Variants in RPH3AL observed in about 807,000 individuals in gnomAD.
RPH3AL encodes the protein rabphilin 3A like (without C2 domains), also known as rab effector Noc2.
In RPH3AL, 38 loss-of-function variants were observed where a neutral mutation model predicts 43.1. That is an observed-to-expected ratio of 0.88 (90% CI 0.68 to 1.15). The LOEUF is 1.15. Among genes scored for constraint, RPH3AL ranks in the 50% most tolerant of loss-of-function variants. The pLI is 0.00. For missense variants in RPH3AL, 462 were observed against 423.2 expected, an observed-to-expected ratio of 1.09 and a Z score of -0.81; for synonymous variants, 189 against 176.3, an observed-to-expected ratio of 1.07 and a Z score of -0.57.
At chr17:337,176 C>T (rs1244941920) in intron 1 of RPH3AL, among the ~76,000 whole-genome samples, 2 of 151,990 alleles carry the variant, frequency 1.3e-5, no homozygotes, top group African/African-American at 4.8e-5. Context: ...AGTGCAGTGG[C>T]ACAGTCACAG....
intron 5 of RPH3AL, among the ~76,000 whole-genome samples, chr17:302,005 C>T (rs920572253): frequency 9.9e-5 from 15 of 152,228 alleles, no homozygotes; most frequent in Admixed American, 2.6e-4. Flanking sequence ...GACTTCCTCC[C>T]GCTCAGAGGG....
At chr17:230,905 C>T (rs1190123125) in intron 7 of RPH3AL, among the ~76,000 whole-genome samples, 2 of 152,114 alleles carry the variant, frequency 1.3e-5, no homozygotes, top group Non-Finnish European at 2.9e-5. Flanking sequence ...AGGTTGGTCT[C>T]GAACTCCTGG....
At chr17:217,246 G>A (rs77756639) in intron 8 of RPH3AL, among the ~76,000 whole-genome samples, 7 of 116,944 alleles carry the variant, frequency 6.0e-5, no homozygotes, top group East Asian at 5.5e-4. Context: ...CAGTTATTAT[G>A]GAGCCCTTTC....
chr17:258,717 G>A (rs538114204), intron 6 of RPH3AL, among the ~76,000 whole-genome samples: 3 of 151,072 alleles, frequency 2.0e-5, no homozygotes, highest in African/African-American at 7.3e-5. Context: ...CATCAGGTTG[G>A]ATTGCCATTG....
rs184522341 is a variant in RPH3AL, at chr17:216,606, G to C, written c.728-804C>G. 2.0e-5 allele frequency among the ~76,000 whole-genome samples: 3 copies of C among 152,130 alleles called. No individual in the cohort carries two copies. In the East Asian group the frequency reaches 5.8e-4, roughly 30 times the overall value. ...GGGACAAGAGCCCATGGTGGGAGGA[G>C]GAGGGGAGTATAAAGCCTGCCCTGG... is the stretch of plus-strand genomic sequence containing the variant. On this transcript the variant is annotated intron_variant, in intron 8 of 9. Transcript: ENST00000331302.
chr17:334,341 G>C (rs116783131), intron 1 of RPH3AL, among the ~76,000 whole-genome samples: 1 of 152,228 alleles, frequency 6.6e-6, no homozygotes, highest in Non-Finnish European at 1.5e-5. Context: ...AAACATATCC[G>C]GAGGCAAAAC....
At chr17:228,969 C>CA (rs944867208) in intron 7 of RPH3AL, among the ~76,000 whole-genome samples, 4 of 152,218 alleles carry the variant, frequency 2.6e-5, no homozygotes, top group African/African-American at 9.6e-5. Context: ...TTTTCAACCT[C>CA]AGTCTTCCCA....
rs138246286 is a variant in RPH3AL at position 277,785 on chromosome 17, G to A, written c.438+3983C>T. On this transcript the variant is annotated intron_variant, in intron 6 of 9. Transcript: ENST00000331302. The stretch of plus-strand genomic sequence containing the variant: ...AGCCTGGGCAACATGGCAAAACCCC[G>A]TCTCTACAAAAATGCAAAAAATTAG... Among the ~76,000 whole-genome samples the A allele has an allele frequency of 4.5e-3, 684 of 152,008 alleles. 6 individuals are homozygous for A. The highest frequency in any genetic ancestry group is 0.016 in the African/African-American group (650 of 41,444).
At chr17:297,883 C>T (rs977748161) in intron 5 of RPH3AL, among the ~76,000 whole-genome samples, 3 of 152,162 alleles carry the variant, frequency 2.0e-5, no homozygotes, top group African/African-American at 7.2e-5. Context: ...GACTAGCCAG[C>T]GGACAGGGAG....
chr17:238,260 GAA>G (rs1380325989), intron 7 of RPH3AL, among the ~76,000 whole-genome samples: 2 of 151,142 alleles, frequency 1.3e-5, no homozygotes, highest in South Asian at 2.1e-4. Context: ...AAGAGAGAGA[GAA>G]AGAGAAAAAG....
At chr17:307,699 C>A (rs1436162135) in intron 5 of RPH3AL, among the ~76,000 whole-genome samples, 1 of 152,224 alleles carries the variant, frequency 6.6e-6, no homozygotes, top group African/African-American at 2.4e-5. Flanking sequence ...CACCCTGGGT[C>A]TCTGCAGCCG....
At chr17:347,400 G>A (rs2045258676) in intron 1 of RPH3AL, among the ~76,000 whole-genome samples, 1 of 152,224 alleles carries the variant, frequency 6.6e-6, no homozygotes, top group South Asian at 2.1e-4. Context: ...GGGTAGCACA[G>A]TGGGACTTTG....
chr17:315,142 C>G (rs1326758238), intron 5 of RPH3AL, among the ~76,000 whole-genome samples: 7 of 137,394 alleles, frequency 5.1e-5, no homozygotes, highest in East Asian at 2.1e-4. Context: ...TGCTCCACCT[C>G]CATTGACCTG....
chr17:258,440 T>C (rs1163016864), intron 6 of RPH3AL, among the ~76,000 whole-genome samples: 1 of 152,192 alleles, frequency 6.6e-6, no homozygotes, highest in Non-Finnish European at 1.5e-5. Flanking sequence ...CAAACGGACT[T>C]CCTATTTCAG....
At chr17:235,923 C>T (rs113007874) in intron 7 of RPH3AL, among the ~76,000 whole-genome samples, 906 of 70,490 alleles carry the variant, frequency 0.013, 35 homozygotes, top group African/African-American at 0.034. Context: ...TGGGGTCGGC[C>T]GAGGCTCCGC....
chr17:327,104 C>G lies in RPH3AL; in HGVS notation c.77+363G>C, dbSNP rs927047066. On this transcript the variant is annotated intron_variant, in intron 3 of 9. Coordinates refer to ENST00000331302, the MANE Select transcript of RPH3AL (RefSeq NM_006987.4). ...TTAAGGGACTTGCAGTCCTACAGCT[C>G]AGTGACAGGAGAGAAGGCACACGAG... Among the ~76,000 whole-genome samples, 2 of 152,320 alleles carry G rather than the reference C, an allele frequency of 1.3e-5. 1 individual carries two copies. Among genetic ancestry groups the G allele is most frequent in the Non-Finnish European group, 2.9e-5 (2 of 68,034 alleles).
chr17:284,877 T>C (rs2151611388), intron 5 of RPH3AL, among the ~76,000 whole-genome samples: 1 of 152,274 alleles, frequency 6.6e-6, no homozygotes, highest in South Asian at 2.1e-4. Flanking sequence ...GGGAGGGCTC[T>C]TCCTGGCGTA....
chr17:242,230 T>C (rs1226273786), intron 7 of RPH3AL, among the ~76,000 whole-genome samples: 2 of 152,130 alleles, frequency 1.3e-5, no homozygotes, highest in Non-Finnish European at 2.9e-5. Flanking sequence ...AGTTCATGAC[T>C]TGTAGTATCT....
chr17:247,141 T>C lies in RPH3AL; in HGVS notation c.583A>G (p.Ser195Gly), dbSNP rs2041785847. The change falls in exon 7 of 10, where the codon AGC (serine) becomes GGC (glycine). Residue 195 changes from serine (S) to glycine (G), a missense_variant. By Grantham distance (56) the Ser-to-Gly change is moderately conservative. Transcript: ENST00000331302. ...AEREPRSSET[S>G]RIYTWARGRV... ...CCTCGGGCCCACGTGTAGATGCGGC[T>C]GGTCTCAGAGCTTCTGGGCTCTCGC... 3 of 1,614,038 alleles carry C rather than the reference T, an allele frequency of 1.9e-6. No individual in the cohort carries two copies. The highest frequency in any genetic ancestry group is 1.7e-6 in the Non-Finnish European group (2 of 1,180,036).
Sources: allele counts gnomAD v4.1 joint callset (sites outside exome capture counted in the v4.1 genomes callset), GRCh38; gene constraint gnomAD v4.1.1; transcripts MANE v1.5; gene names NCBI Gene and HGNC (gene_info 2026-07-23, HGNC 2026-07-21).